DNM3: variants seen among roughly 807,000 people sequenced by gnomAD.
DNM3 encodes dynamin 3.
DNM3 carries 47 observed loss-of-function variants against 101.6 expected under a neutral mutation model. The ratio of observed to expected loss-of-function variants is 0.46; its 90% CI spans 0.37 to 0.59. The LOEUF (loss-of-function observed/expected upper bound fraction) is 0.59. DNM3 is among the 20% of genes least tolerant of loss of function. The pLI is 0.00. For missense variants in DNM3, 849 were observed against 1,085.7 expected, an observed-to-expected ratio of 0.78 and a Z score of 3.06; for synonymous variants, 385 against 387.9, an observed-to-expected ratio of 0.99 and a Z score of 0.09.
intron 1 of DNM3, among the ~76,000 whole-genome samples, chr1:171,890,002 C>G (rs2037125620): frequency 6.6e-6 from 1 of 152,014 alleles, no homozygotes; most frequent in Non-Finnish European, 1.5e-5. Flanking sequence ...GATTTACCAG[C>G]CATATTTTAC....
chr1:172,020,540 GA>G (rs1558432976), intron 4 of DNM3, among the ~76,000 whole-genome samples: 1 of 151,790 alleles, frequency 6.6e-6, no homozygotes, highest in Non-Finnish European at 1.5e-5. Context: ...CTAACATGGT[GA>G]AACCCCATCT....
chr1:172,039,243 A>G (rs1169450392), intron 7 of DNM3, among the ~76,000 whole-genome samples: 2 of 152,074 alleles, frequency 1.3e-5, no homozygotes, highest in Admixed American at 1.3e-4. Context: ...ACTGCAGGAT[A>G]CCCAAGGTCT....
chr1:172,056,762 T>A (rs928286096), intron 10 of DNM3, among the ~76,000 whole-genome samples: 2 of 151,958 alleles, frequency 1.3e-5, no homozygotes, highest in Non-Finnish European at 1.5e-5. Context: ...ACAGAAAAAC[T>A]GGAAACTCTA....
At chr1:172,104,433 A>G (rs1157735159) in intron 13 of DNM3, among the ~76,000 whole-genome samples, 1 of 152,016 alleles carries the variant, frequency 6.6e-6, no homozygotes, top group African/African-American at 2.4e-5. Context: ...GAGGATAAAT[A>G]TTTTTCATGC....
intron 3 of DNM3, 41 bp downstream of exon 3, chr1:171,987,846 A>G: frequency 6.7e-7 from 1 of 1,497,690 alleles, no homozygotes; most frequent in South Asian, 1.4e-5. Context: ...CTCCTCAAAC[A>G]TTTATACTAC....
chr1:172,015,232 A>G (rs1482180283), intron 4 of DNM3, among the ~76,000 whole-genome samples: 3 of 152,062 alleles, frequency 2.0e-5, no homozygotes, highest in Non-Finnish European at 2.9e-5. Flanking sequence ...CTTCTTTTAT[A>G]TTGTGTTGGC....
intron 1 of DNM3, among the ~76,000 whole-genome samples, chr1:171,843,020 G>T (rs567936901): frequency 3.3e-5 from 5 of 152,202 alleles, no homozygotes; most frequent in Non-Finnish European, 5.9e-5. Flanking sequence ...GATGCAGAAG[G>T]TTCCTGTTTC....
intron 11 of DNM3, among the ~76,000 whole-genome samples, chr1:172,078,363 A>G (rs1446034537): frequency 6.6e-6 from 1 of 151,728 alleles, no homozygotes; most frequent in African/African-American, 2.4e-5. Flanking sequence ...AAGTGCTGGG[A>G]TTACAGGCAT....
At chr1:171,877,492 T>C (rs77147979) in intron 1 of DNM3, among the ~76,000 whole-genome samples, 6 of 152,336 alleles carry the variant, frequency 3.9e-5, no homozygotes, top group Non-Finnish European at 7.4e-5. Context: ...GGAAGTCAAG[T>C]AGTGAAATTG....
intron 15 of DNM3, among the ~76,000 whole-genome samples, chr1:172,271,970 C>T (rs2063105704): frequency 6.6e-6 from 1 of 152,078 alleles, no homozygotes; most frequent in South Asian, 2.1e-4. Flanking sequence ...AACTCTAACA[C>T]AAAAATTTAT....
Position 171,981,286 on chromosome 1 carries a change from A to G in DNM3, c.236-6370A>G, listed in dbSNP as rs769328574. Reference sequence around the variant, plus strand: ...CTGTGCTCACAAAACATTGCTATTAAAACATTTCAGAAATAAGAAAACTCC... The same window carrying G: ...CTGTGCTCACAAAACATTGCTATTAGAACATTTCAGAAATAAGAAAACTCC... On this transcript the variant is annotated intron_variant, in intron 2 of 20. Transcript: ENST00000627582. Among the ~76,000 whole-genome samples the G allele has an allele frequency of 1.1e-3, 168 of 152,340 alleles. 1 individual carries two copies. The highest frequency in any genetic ancestry group is 1.7e-3 in the Non-Finnish European group (119 of 68,024).
chr1:172,243,676 C>T (rs1189270169), intron 14 of DNM3, among the ~76,000 whole-genome samples: 4 of 152,152 alleles, frequency 2.6e-5, no homozygotes. Flanking sequence ...CCATCAAACA[C>T]AGGGAGTTTA....
At chr1:172,300,236 T>C (rs1025060511) in intron 15 of DNM3, among the ~76,000 whole-genome samples, 7 of 143,316 alleles carry the variant, frequency 4.9e-5, no homozygotes, top group African/African-American at 2.1e-4. Flanking sequence ...ATGGGGTTAT[T>C]TGTTTTTCAC....
intron 14 of DNM3, among the ~76,000 whole-genome samples, chr1:172,189,923 G>C (rs1056352145): frequency 2.6e-5 from 4 of 151,698 alleles, no homozygotes; most frequent in Non-Finnish European, 4.4e-5. Flanking sequence ...TCACCAAAAG[G>C]ATAGTGCTAA....
intron 13 of DNM3, among the ~76,000 whole-genome samples, chr1:172,107,913 C>G (rs1300780610): frequency 6.6e-6 from 1 of 152,112 alleles, no homozygotes; most frequent in Non-Finnish European, 1.5e-5. Context: ...TATGAGACAT[C>G]TTTACATTCT....
At chr1:172,067,520 T>A (rs546291099) in intron 10 of DNM3, among the ~76,000 whole-genome samples, 30 of 152,148 alleles carry the variant, frequency 2.0e-4, no homozygotes, top group Non-Finnish European at 3.8e-4. Context: ...GGACTTTCTT[T>A]TACTTTTATC....
At chr1:172,177,257 T>TAG (rs142889640) in intron 14 of DNM3, among the ~76,000 whole-genome samples, 51 of 149,480 alleles carry the variant, frequency 3.4e-4, no homozygotes, top group African/African-American at 5.1e-4. Context: ...TGTACAAGAA[T>TAG]AGAGAGAGAG....
At chr1:172,243,228 A>G (rs2061814816) in intron 14 of DNM3, among the ~76,000 whole-genome samples, 1 of 152,198 alleles carries the variant, frequency 6.6e-6, no homozygotes, top group Non-Finnish European at 1.5e-5. Flanking sequence ...AAATATAAAT[A>G]TATGAGAACA....
chr1:171,996,299 G>A (rs1250574330), intron 4 of DNM3, among the ~76,000 whole-genome samples: 1 of 152,108 alleles, frequency 6.6e-6, no homozygotes, highest in Non-Finnish European at 1.5e-5. Flanking sequence ...ATTATATGAT[G>A]TTTTGAATAT....
Sources: gnomAD v4.1 joint callset for allele counts (sites outside exome capture counted in the v4.1 genomes callset) on GRCh38, gnomAD v4.1.1 for gene constraint, MANE v1.5 for transcripts, NCBI Gene and HGNC (gene_info 2026-07-23, HGNC 2026-07-21) for gene names.